The following SDS variants were observed in gnomAD, a reference collection of about 807,000 sequenced individuals.
SDS encodes L-serine dehydratase/L-threonine deaminase.
In SDS, 19 loss-of-function variants were observed where a neutral mutation model predicts 29.3. The ratio of observed to expected loss-of-function variants is 0.65; its 90% CI spans 0.45 to 0.95. The LOEUF (loss-of-function observed/expected upper bound fraction) is 0.95, where lower values mean the gene tolerates loss of function less well. SDS is among the 40% of genes least tolerant of loss of function. The probability of loss-of-function intolerance (pLI) is 0.00; values close to 1 mark genes in which losing one functional copy is unlikely to be tolerated. For synonymous variants in SDS, 176 were observed against 189.0 expected (o/e 0.93, Z 0.56); for missense variants, 375 against 439.9 (o/e 0.85, Z 1.32).
chr12:113,398,439 G>A, intron 5 of SDS, 76 bp downstream of exon 5: 1 of 890,434 alleles, frequency 1.1e-6, no homozygotes, highest in South Asian at 1.4e-5. Context: ...GTGATGATGT[G>A]CATCATAGCA....
chr12:113,403,286 T>C (rs1239944535), intron 1 of SDS, among the ~76,000 whole-genome samples: 1 of 151,898 alleles, frequency 6.6e-6, no homozygotes, highest in Non-Finnish European at 1.5e-5. Context: ...ACCACCACAC[T>C]ATACTAATTA....
Position 113,398,545 on chromosome 12 carries a change from T to C in SDS, c.395A>G (p.Tyr132Cys). 2 of 1,592,828 alleles carry C rather than the reference T, an allele frequency of 1.3e-6. No homozygotes were observed. Among genetic ancestry groups the C allele is most frequent in the Non-Finnish European group, 1.7e-6 (2 of 1,170,850 alleles). Reference sequence around the variant, plus strand: ...GAGGGGGTCATCAAAGGGGGGAATGTAGACCCAACCCGGGTTGTTCTTCGC... The same window carrying C: ...GAGGGGGTCATCAAAGGGGGGAATGCAGACCCAACCCGGGTTGTTCTTCGC... ...ALAKNNPGWV[Y>C]IPPFDDPLIW... Residue 132 changes from tyrosine to cysteine, a missense_variant, in exon 5 of 8, where the codon TAC becomes TGC. Tyr to Cys is a radical substitution (Grantham distance 194, BLOSUM62 -2). Coordinates refer to ENST00000257549, the MANE Select transcript of SDS (RefSeq NM_006843.3).
chr12:113,395,901 G>A (rs1957641061), intron 6 of SDS, among the ~76,000 whole-genome samples: 1 of 152,140 alleles, frequency 6.6e-6, no homozygotes, highest in Admixed American at 6.6e-5. Flanking sequence ...CACCTGAGGT[G>A]AGGAGTTCGA....
chr12:113,394,631 T>C (rs1957634249), intron 6 of SDS, among the ~76,000 whole-genome samples: 2 of 152,214 alleles, frequency 1.3e-5, no homozygotes, highest in African/African-American at 4.8e-5. Context: ...TGAGCCACCA[T>C]GCCCGACCCC....
chr12:113,397,508 C>A, intron 5 of SDS, 116 bp from the exon 6 acceptor site: 1 of 842,794 alleles, frequency 1.2e-6, no homozygotes, highest in East Asian at 2.7e-5. Context: ...CCCTCCCCAC[C>A]CCCAACCTTG....
intron 6 of SDS, among the ~76,000 whole-genome samples, chr12:113,394,343 G>GTTTT (rs565900434): frequency 7.6e-6 from 1 of 132,106 alleles, no homozygotes; most frequent in Non-Finnish European, 1.6e-5. Flanking sequence ...TTGTTTTTTT[G>GTTTT]TTTTTTTTTT....
intron 6 of SDS, among the ~76,000 whole-genome samples, chr12:113,394,819 A>C (rs1483399379): frequency 6.6e-6 from 1 of 152,114 alleles, no homozygotes; most frequent in Non-Finnish European, 1.5e-5. Context: ...GAAGCTTAGC[A>C]CCACTCTGCC....
chr12:113,393,216 C>T (rs574984777), intron 7 of SDS, 67 bp from the exon 8 acceptor site: 632 of 1,461,116 alleles, frequency 4.3e-4, no homozygotes, highest in Non-Finnish European at 5.8e-4. Context: ...GCTGACAGGC[C>T]ATTGGCAGGA....
chr12:113,398,245 A>G (rs1002319970), intron 5 of SDS, among the ~76,000 whole-genome samples: 2 of 151,626 alleles, frequency 1.3e-5, no homozygotes. Context: ...TAATTTTTGT[A>G]TTTTTAGTAG....
rs367733310 is a variant in SDS, at chr12:113,392,967, C to G, written c.961G>C (p.Gly321Arg). The change falls in exon 8 of 8, where the codon GGC (glycine) becomes CGC (arginine). Residue 321 changes from glycine (G) to arginine (R), a missense_variant. Gly to Arg is a moderately radical substitution (Grantham distance 125). Coordinates refer to ENST00000257549, the MANE Select transcript of SDS (RefSeq NM_006843.3). Reference sequence around the variant, plus strand: ...CACTTGGGCAACCTATTTGTCATGCCCAGCTGTTCCTTGAGCGCCCGCAGC... The same window carrying G: ...CACTTGGGCAACCTATTTGTCATGCGCAGCTGTTCCTTGAGCGCCCGCAGC... ...AQLRALKEQLGMTNRLPK is the reference protein window; with the variant it reads ...AQLRALKEQLRMTNRLPK The G allele has an allele frequency of 6.2e-7, 1 of 1,613,998 alleles. No individual in the cohort carries two copies. The highest frequency in any genetic ancestry group is 1.3e-5 in the African/African-American group (1 of 74,948).
chr12:113,394,171 A>G (rs1490848098), intron 6 of SDS, among the ~76,000 whole-genome samples, 155 bp from the exon 7 acceptor site: 1 of 152,158 alleles, frequency 6.6e-6, no homozygotes, highest in Admixed American at 6.5e-5. Context: ...TAAAACCCTG[A>G]AAAGCCTCAG....
intron 6 of SDS, among the ~76,000 whole-genome samples, chr12:113,395,754 T>A (rs1407542155): frequency 1.3e-5 from 2 of 152,154 alleles, no homozygotes; most frequent in Non-Finnish European, 2.9e-5. Flanking sequence ...TAAAGTTCAA[T>A]CTCATTTAAG....
Position 113,399,153 on chromosome 12 carries a change from T to C in SDS, c.154-2A>G, listed in dbSNP as rs776109318. ...ATGTGCACAGCCTTGCTTGGCCCAC[T>C]GTGGAGACAACAGGAGAGGCACTCA... On this transcript the variant is annotated splice_acceptor_variant, in intron 2 of 7. Transcript: ENST00000257549. LOFTEE classifies it high-confidence loss of function. 1 of 1,613,806 alleles carries C rather than the reference T, an allele frequency of 6.2e-7. No individual in the cohort carries two copies. The highest frequency in any genetic ancestry group is 8.5e-7 in the Non-Finnish European group (1 of 1,179,866).
chr12:113,403,024 G>A (rs985521280), intron 1 of SDS, among the ~76,000 whole-genome samples: 2 of 152,128 alleles, frequency 1.3e-5, no homozygotes, highest in Non-Finnish European at 1.5e-5. Context: ...TCCTTTCACC[G>A]TCACAACCAC....
At chr12:113,400,868 C>G (rs1396521959) in intron 1 of SDS, among the ~76,000 whole-genome samples, 1 of 151,856 alleles carries the variant, frequency 6.6e-6, no homozygotes, top group Admixed American at 6.6e-5. Context: ...TTAAAAAAAA[C>G]CTGGGCTGGG....
chr12:113,393,207 C>T, intron 7 of SDS, 58 bp from the exon 8 acceptor site: 1 of 1,519,920 alleles, frequency 6.6e-7, no homozygotes, highest in Non-Finnish European at 9.1e-7. Flanking sequence ...TGCACAGGAG[C>T]TGACAGGCCA....
intron 7 of SDS, 73 bp from the exon 8 acceptor site, chr12:113,393,222 C>T (rs1344768913): frequency 7.0e-7 from 1 of 1,424,930 alleles, no homozygotes; most frequent in African/African-American, 1.4e-5. Flanking sequence ...AGGCCATTGG[C>T]AGGACCTGGG....
At chr12:113,396,439 CTT>C (rs747867036) in intron 6 of SDS, among the ~76,000 whole-genome samples, 4 of 145,586 alleles carry the variant, frequency 2.7e-5, no homozygotes, top group Non-Finnish European at 6.0e-5. Flanking sequence ...CTTTCTCTTT[CTT>C]TTTCTTTCTC....
intron 1 of SDS, among the ~76,000 whole-genome samples, chr12:113,400,614 A>G (rs895344857): frequency 6.6e-6 from 1 of 151,884 alleles, no homozygotes; most frequent in Non-Finnish European, 1.5e-5. Flanking sequence ...CACACGCACA[A>G]TCCATCCACA....
Sources: allele counts gnomAD v4.1 joint callset (sites outside exome capture counted in the v4.1 genomes callset), GRCh38; gene constraint gnomAD v4.1.1; transcripts MANE v1.5; gene names NCBI Gene and HGNC (gene_info 2026-07-23, HGNC 2026-07-21).